Variants in RGS12 observed in about 807,000 individuals in gnomAD.
The protein encoded by RGS12 is regulator of G protein signaling 12.
A neutral mutation model predicts 120.1 loss-of-function variants in RGS12; 66 were observed. That is an observed-to-expected ratio of 0.55 (90% CI 0.45 to 0.67). The LOEUF is 0.67. Ranked by LOEUF, RGS12 falls within the 30% of genes least tolerant of loss-of-function variation. The pLI is 0.00. For missense variants in RGS12, 1,859 were observed against 1,957.7 expected, an observed-to-expected ratio of 0.95 and a Z score of 0.95; for synonymous variants, 827 against 804.7, an observed-to-expected ratio of 1.03 and a Z score of -0.47.
intron 3 of RGS12, among the ~76,000 whole-genome samples, chr4:3,363,049 ATGTG>A (rs371639853): frequency 2.2e-5 from 3 of 134,508 alleles, no homozygotes; most frequent in South Asian, 2.5e-4. Context: ...GCGAGGGTGT[ATGTG>A]TGTGTGTGTG....
intron 3 of RGS12, among the ~76,000 whole-genome samples, chr4:3,347,110 A>G (rs1713867326): frequency 6.6e-6 from 1 of 152,196 alleles, no homozygotes; most frequent in South Asian, 2.1e-4. Context: ...TCACAGAAGT[A>G]TACTTTACCA....
intron 1 of RGS12, among the ~76,000 whole-genome samples, chr4:3,302,833 A>C (rs1723759972): frequency 6.6e-6 from 1 of 151,568 alleles, no homozygotes; most frequent in Admixed American, 6.6e-5. Flanking sequence ...TCGTGGGGGG[A>C]GGAGAGAGGG....
chr4:3,304,241 T>G (rs1317929654), intron 1 of RGS12, among the ~76,000 whole-genome samples: 1 of 152,240 alleles, frequency 6.6e-6, no homozygotes, highest in Non-Finnish European at 1.5e-5. Context: ...TTTTATGTAT[T>G]GTACTTTTCA....
At chr4:3,421,197 C>T (rs1722985465) in intron 10 of RGS12, among the ~76,000 whole-genome samples, 1 of 152,182 alleles carries the variant, frequency 6.6e-6, no homozygotes, top group Non-Finnish European at 1.5e-5. Flanking sequence ...TTGGCTGGTG[C>T]TCGTCCTGGC....
At chr4:3,416,708 T>C (rs1386862780) in intron 7 of RGS12, among the ~76,000 whole-genome samples, 1 of 152,160 alleles carries the variant, frequency 6.6e-6, no homozygotes, top group Non-Finnish European at 1.5e-5. Flanking sequence ...AAAGGCTGGT[T>C]CGTTATGAGA....
intron 3 of RGS12, among the ~76,000 whole-genome samples, chr4:3,359,796 T>C (rs112837940): frequency 0.03 from 4,632 of 152,044 alleles, 219 homozygotes; most frequent in African/African-American, 0.1. Flanking sequence ...CTAATTTTTG[T>C]ATTTTTAGTA....
intron 3 of RGS12, among the ~76,000 whole-genome samples, chr4:3,367,878 A>G (rs1222780019): frequency 6.6e-6 from 1 of 152,228 alleles, no homozygotes; most frequent in Non-Finnish European, 1.5e-5. Flanking sequence ...ACCGGACAGC[A>G]ACAGGCGGAC....
chr4:3,359,671 G>A (rs1243152940), intron 3 of RGS12, among the ~76,000 whole-genome samples: 1 of 143,396 alleles, frequency 7.0e-6, no homozygotes, highest in Non-Finnish European at 1.5e-5. Flanking sequence ...TGCCCAGGCT[G>A]GAGTGCTGTG....
intron 1 of RGS12, among the ~76,000 whole-genome samples, chr4:3,303,823 T>C (rs190820204): frequency 6.6e-6 from 1 of 152,380 alleles, no homozygotes; most frequent in East Asian, 1.9e-4. Context: ...TTACTGTTGC[T>C]GGACTGTAAT....
At chr4:3,348,849 C>T (rs1174609097) in intron 3 of RGS12, among the ~76,000 whole-genome samples, 2 of 152,188 alleles carry the variant, frequency 1.3e-5, no homozygotes, top group Non-Finnish European at 2.9e-5. Flanking sequence ...CAGCAGGTCA[C>T]ACGCAGCAAG....
At chr4:3,414,366 G>T in intron 5 of RGS12, 125 bp downstream of exon 5, 3 of 1,113,710 alleles carry the variant, frequency 2.7e-6, no homozygotes, top group Non-Finnish European at 3.7e-6. Context: ...CGTGGCAGGG[G>T]TCTCCCCTCC....
rs545077720 is a variant in RGS12 at position 3,317,947 on chromosome 4, C to A, written c.1777C>A (p.Pro593Thr). Residue 593 changes from proline to threonine, a missense_variant, in exon 2 of 18, where the codon CCC becomes ACC. Coordinates refer to ENST00000336727, the MANE Select transcript of RGS12 (RefSeq NM_001394154.1). ...CAGGGTGGAGGGCAGCTTCGCGCAGCCCCCGCTGAATGCCCCGAAGAGGGA... is the reference window on the plus strand; with the variant it reads ...CAGGGTGGAGGGCAGCTTCGCGCAGACCCCGCTGAATGCCCCGAAGAGGGA... ...RYRVEGSFAQ[P>T]PLNAPKREWS... 1.2e-6 allele frequency: 2 copies of A among 1,614,156 alleles called. No homozygotes were observed. Among genetic ancestry groups the A allele is most frequent in the East Asian group, 2.2e-5 (1 of 44,892 alleles).
chr4:3,430,772 G>A lies in RGS12; in HGVS notation c.3931G>A (p.Glu1311Lys), dbSNP rs1244462674. The A allele has an allele frequency of 5.6e-6, 9 of 1,610,904 alleles. No homozygotes were observed. The highest frequency in any genetic ancestry group is 1.3e-5 in the African/African-American group (1 of 74,880). ...TPQSPVSLAQ[E>K]GTAQIWKRQS... is the part of the protein sequence containing the mutation. ...CCAGTCCCCCGTCTCCCTCGCGCAG[G>A]AGGGCACCGCCCAGATCTGGAAGAG... Residue 1311 changes from glutamate to lysine, a missense_variant, in exon 17 of 18, where the codon GAG becomes AAG. Physicochemically the swap from Glu to Lys is moderately conservative, Grantham distance 56 (BLOSUM62 1). This residue lies in a region of RGS12 where 517 missense variants were observed against 488.5 expected (regional missense o/e 1.06). Coordinates refer to ENST00000336727, the MANE Select transcript of RGS12 (RefSeq NM_001394154.1).
At position 3,374,054 on chromosome 4, in the gene RGS12, C is replaced by A. The variant is rs1717352693; in HGVS notation, c.1999-12362C>A. ...GGGTCCTGAGGAGGAAGGCAGCGAG[C>A]CCGCTTGGCGAGGCCCTTGAGCACT... On this transcript the variant is annotated intron_variant, in intron 3 of 17. Coordinates refer to ENST00000336727, the MANE Select transcript of RGS12 (RefSeq NM_001394154.1). This position sits in a 1 kb window ranked among gnomAD's most constrained non-coding sequence, Gnocchi z 6.3. Among the ~76,000 whole-genome samples the A allele has an allele frequency of 6.6e-6, 1 of 152,252 alleles. No homozygotes were observed. Among genetic ancestry groups the A allele is most frequent in the African/African-American group, 2.4e-5 (1 of 41,470 alleles).
chr4:3,369,493 T>G (rs1716742474), intron 3 of RGS12, among the ~76,000 whole-genome samples: 1 of 152,076 alleles, frequency 6.6e-6, no homozygotes, highest in African/African-American at 2.4e-5. Context: ...GCAAGAAGCT[T>G]CCCCAGGTCT....
intron 3 of RGS12, among the ~76,000 whole-genome samples, chr4:3,382,105 GT>G (rs1177636591): frequency 5.9e-5 from 9 of 152,156 alleles, no homozygotes; most frequent in African/African-American, 2.2e-4. Context: ...TTTGTGGCTA[GT>G]TACGTCTTTT....
intron 7 of RGS12, among the ~76,000 whole-genome samples, chr4:3,416,539 G>A (rs16844309): frequency 0.27 from 40,405 of 152,150 alleles, 5,654 homozygotes; most frequent in East Asian, 0.47. Context: ...CGTGGGTCAC[G>A]TTCACAGAAG....
chr4:3,342,586 G>A, intron 2 of RGS12: 5 of 1,313,078 alleles, frequency 3.8e-6, no homozygotes, highest in Non-Finnish European at 5.0e-6. Flanking sequence ...AGTGTACTGT[G>A]TCCACTTTCC....
chr4:3,432,027 A>T, intron 17 of RGS12: 4 of 985,266 alleles, frequency 4.1e-6, no homozygotes, highest in Non-Finnish European at 4.8e-6. Flanking sequence ...AGAAAGCCTG[A>T]GGTGCCTGGC....
Sources: allele counts gnomAD v4.1 joint callset (sites outside exome capture counted in the v4.1 genomes callset), GRCh38; gene constraint gnomAD v4.1.1; regional missense constraint gnomAD v4.1.1; non-coding constraint Gnocchi (gnomAD v3.1); transcripts MANE v1.5; gene names NCBI Gene and HGNC (gene_info 2026-07-23, HGNC 2026-07-21).